Variants in CABCOCO1 observed in about 807,000 individuals in gnomAD.
CABCOCO1 encodes ciliary-associated calcium-binding coiled-coil protein 1.
In CABCOCO1, 28 loss-of-function variants were observed where a neutral mutation model predicts 35.7. That is an observed-to-expected ratio of 0.78 (90% CI 0.58 to 1.07). CABCOCO1 has a LOEUF of 1.07. CABCOCO1 is among the 50% of genes least tolerant of loss of function. The pLI, the probability that CABCOCO1 is intolerant of heterozygous loss-of-function variation, is 0.00. For synonymous variants in CABCOCO1, 95 were observed against 100.1 expected (o/e 0.95, Z 0.30); for missense variants, 326 against 309.2 (o/e 1.05, Z -0.41).
chr10:61,670,286 A>G (rs1839316158), intron 1 of CABCOCO1, among the ~76,000 whole-genome samples: 1 of 152,180 alleles, frequency 6.6e-6, no homozygotes, highest in East Asian at 1.9e-4. Flanking sequence ...ACAGTACCTT[A>G]AACAAAAACT....
At chr10:61,704,066 A>G (rs200011403) in intron 5 of CABCOCO1, among the ~76,000 whole-genome samples, 11,722 of 151,974 alleles carry the variant, frequency 0.077, 472 homozygotes, top group East Asian at 0.096. Context: ...AAAATACAAA[A>G]AAAAAAAATT....
intron 2 of CABCOCO1, among the ~76,000 whole-genome samples, chr10:61,673,608 G>A (rs1490100354): frequency 6.6e-6 from 1 of 152,190 alleles, no homozygotes; most frequent in Non-Finnish European, 1.5e-5. Context: ...CTACTGAGAA[G>A]GGAATATGAC....
At chr10:61,755,578 C>T (rs1841881855) in intron 5 of CABCOCO1, among the ~76,000 whole-genome samples, 1 of 151,996 alleles carries the variant, frequency 6.6e-6, no homozygotes, top group Non-Finnish European at 1.5e-5. Context: ...CTCAAAAAAG[C>T]TTGAGCAGAT....
At chr10:61,759,971 A>T (rs776916333) in intron 5 of CABCOCO1, 88 bp from the exon 6 acceptor site, 44 of 1,491,418 alleles carry the variant, frequency 3.0e-5, no homozygotes, top group Non-Finnish European at 3.9e-5. Context: ...ACAGACTTGG[A>T]ACTATGGTAC....
At chr10:61,726,035 T>C (rs1053736270) in intron 5 of CABCOCO1, among the ~76,000 whole-genome samples, 1 of 152,222 alleles carries the variant, frequency 6.6e-6, no homozygotes, top group Non-Finnish European at 1.5e-5. Context: ...GAAACTCTCA[T>C]ACTGTTTGTG....
chr10:61,680,703 T>TTATAATATA (rs1564532880), intron 2 of CABCOCO1, among the ~76,000 whole-genome samples: 2 of 87,276 alleles, frequency 2.3e-5, no homozygotes, highest in African/African-American at 9.8e-5. Context: ...CATATATATG[T>TTATAATATA]TATACATGTA....
At chr10:61,688,579 G>A (rs953917112) in intron 4 of CABCOCO1, among the ~76,000 whole-genome samples, 1 of 151,892 alleles carries the variant, frequency 6.6e-6, no homozygotes. Flanking sequence ...ACATATATAC[G>A]GCCCAAATAC....
chr10:61,759,944 G>A (rs2132092284), intron 5 of CABCOCO1, 115 bp from the exon 6 acceptor site: 2 of 1,320,994 alleles, frequency 1.5e-6, no homozygotes, highest in Non-Finnish European at 2.0e-6. Context: ...TTCAAAGGAG[G>A]TGGCACTTGA....
intron 2 of CABCOCO1, among the ~76,000 whole-genome samples, chr10:61,673,698 G>A (rs892312906): frequency 4.6e-5 from 7 of 152,172 alleles, no homozygotes; most frequent in Non-Finnish European, 4.4e-5. Flanking sequence ...GCCTTTTCCT[G>A]AGCTGCTCAG....
intron 1 of CABCOCO1, among the ~76,000 whole-genome samples, chr10:61,669,343 C>A (rs1344759838): frequency 6.6e-6 from 1 of 152,080 alleles, no homozygotes; most frequent in East Asian, 1.9e-4. Flanking sequence ...CTCTTAAAAT[C>A]CACCAGGTGG....
chr10:61,732,639 T>C (rs942366582), intron 5 of CABCOCO1, among the ~76,000 whole-genome samples: 2 of 152,074 alleles, frequency 1.3e-5, no homozygotes, highest in Non-Finnish European at 2.9e-5. Context: ...AACCATATAA[T>C]CTGTATCTAT....
intron 5 of CABCOCO1, among the ~76,000 whole-genome samples, chr10:61,753,642 G>A (rs1841838826): frequency 2.0e-5 from 3 of 152,144 alleles, no homozygotes; most frequent in African/African-American, 7.2e-5. Context: ...AAGATAAAGA[G>A]AGTGATAAAT....
intron 5 of CABCOCO1, among the ~76,000 whole-genome samples, chr10:61,709,038 C>T (rs1036806811): frequency 6.6e-6 from 1 of 152,034 alleles, no homozygotes; most frequent in Non-Finnish European, 1.5e-5. Context: ...TATTTTTATG[C>T]CTTTTATGGT....
intron 5 of CABCOCO1, among the ~76,000 whole-genome samples, chr10:61,757,245 G>T (rs181921627): frequency 3.1e-4 from 47 of 151,884 alleles, no homozygotes; most frequent in African/African-American, 1.1e-3. Flanking sequence ...TTTTAAAAAG[G>T]CTACCATTTT....
At chr10:61,673,681 C>T (rs550752813) in intron 2 of CABCOCO1, among the ~76,000 whole-genome samples, 1 of 152,338 alleles carries the variant, frequency 6.6e-6, no homozygotes, top group South Asian at 2.1e-4. Flanking sequence ...GTGAATAACA[C>T]TGACAGGCCT....
At chr10:61,753,701 T>G (rs1841840349) in intron 5 of CABCOCO1, among the ~76,000 whole-genome samples, 1 of 152,138 alleles carries the variant, frequency 6.6e-6, no homozygotes, top group South Asian at 2.1e-4. Context: ...AAGTTAGGTG[T>G]AAACACTCTC....
At chr10:61,728,150 GA>G (rs1347553987) in intron 5 of CABCOCO1, among the ~76,000 whole-genome samples, 2 of 152,076 alleles carry the variant, frequency 1.3e-5, no homozygotes, top group Non-Finnish European at 2.9e-5. Flanking sequence ...TTATCTTTCT[GA>G]TTTTTTGTAT....
intron 1 of CABCOCO1, among the ~76,000 whole-genome samples, chr10:61,671,695 C>T (rs75016997): frequency 0.017 from 2,567 of 152,246 alleles, 64 homozygotes; most frequent in African/African-American, 0.058. Flanking sequence ...CGCTTCATCC[C>T]TGCACTGTTT....
chr10:61,751,642 T>C (rs538236375), intron 5 of CABCOCO1, among the ~76,000 whole-genome samples: 1 of 108,462 alleles, frequency 9.2e-6, no homozygotes, highest in Middle Eastern at 4.9e-3. Context: ...ACATCGTGAC[T>C]GAAAAATACT....
Sources: allele counts gnomAD v4.1 joint callset (sites outside exome capture counted in the v4.1 genomes callset), GRCh38; gene constraint gnomAD v4.1.1; transcripts MANE v1.5; gene names NCBI Gene and HGNC (gene_info 2026-07-23, HGNC 2026-07-21).